SYNDIG1: variants seen among roughly 807,000 people sequenced by gnomAD.
SYNDIG1 encodes the protein synapse differentiation-inducing gene protein 1.
A neutral mutation model predicts 19.4 loss-of-function variants in SYNDIG1; 9 were observed. That is an observed-to-expected ratio of 0.46 (90% CI 0.28 to 0.81). SYNDIG1 has a LOEUF of 0.81. SYNDIG1 is among the 30% of genes least tolerant of loss of function. The pLI, the probability that SYNDIG1 is intolerant of heterozygous loss-of-function variation, is 0.12. For synonymous variants in SYNDIG1, 141 were observed against 145.9 expected (o/e 0.97, Z 0.24); for missense variants, 311 against 343.3 (o/e 0.91, Z 0.74).
chr20:24,529,721 A>G (rs776272319), intron 1 of SYNDIG1, among the ~76,000 whole-genome samples: 6 of 150,194 alleles, frequency 4.0e-5, no homozygotes, highest in Non-Finnish European at 7.4e-5. Context: ...TCCTGGCAGT[A>G]GTGTCAGCAG....
chr20:24,508,936 G>A (rs191409575), intron 1 of SYNDIG1, among the ~76,000 whole-genome samples: 1 of 152,316 alleles, frequency 6.6e-6, no homozygotes, highest in East Asian at 1.9e-4. Flanking sequence ...TTGCCCAGAT[G>A]CCAGGTCCCA....
At chr20:24,515,348 G>T (rs1568601733) in intron 1 of SYNDIG1, among the ~76,000 whole-genome samples, 1 of 152,104 alleles carries the variant, frequency 6.6e-6, no homozygotes, top group Non-Finnish European at 1.5e-5. Context: ...CTGGTTTTTT[G>T]AAAAGATCAA....
At chr20:24,615,558 G>T (rs1375136106) in intron 3 of SYNDIG1, among the ~76,000 whole-genome samples, 1 of 152,184 alleles carries the variant, frequency 6.6e-6, no homozygotes, top group Non-Finnish European at 1.5e-5. Context: ...TCCTCCCCAT[G>T]GACCCGGGGC....
At chr20:24,559,789 C>T (rs1451210841) in intron 2 of SYNDIG1, among the ~76,000 whole-genome samples, 1 of 152,130 alleles carries the variant, frequency 6.6e-6, no homozygotes, top group Non-Finnish European at 1.5e-5. Context: ...TAACATGTCA[C>T]TCTGTTGCCT....
intron 1 of SYNDIG1, among the ~76,000 whole-genome samples, chr20:24,538,049 G>A (rs983832931): frequency 6.6e-6 from 1 of 152,140 alleles, no homozygotes; most frequent in African/African-American, 2.4e-5. Flanking sequence ...TCTCCACATA[G>A]ATAGCTCTTC....
chr20:24,506,974 G>T (rs1007913579), intron 1 of SYNDIG1, among the ~76,000 whole-genome samples: 2 of 152,236 alleles, frequency 1.3e-5, no homozygotes, highest in African/African-American at 4.8e-5. Flanking sequence ...AGGTATCTTA[G>T]ATGGGCTCCC....
At chr20:24,653,395 C>G (rs951272205) in intron 3 of SYNDIG1, among the ~76,000 whole-genome samples, 1 of 152,136 alleles carries the variant, frequency 6.6e-6, no homozygotes, top group African/African-American at 2.4e-5. Context: ...GAAAGCAGTG[C>G]ATTTCTAAGT....
At chr20:24,653,644 G>A (rs1195229861) in intron 3 of SYNDIG1, among the ~76,000 whole-genome samples, 1 of 152,200 alleles carries the variant, frequency 6.6e-6, no homozygotes, top group Admixed American at 6.5e-5. Flanking sequence ...GAAGTTAGGG[G>A]ATTTATCCCT....
At chr20:24,487,508 T>A (rs1013709047) in intron 1 of SYNDIG1, among the ~76,000 whole-genome samples, 1 of 152,108 alleles carries the variant, frequency 6.6e-6, no homozygotes, top group Non-Finnish European at 1.5e-5. Flanking sequence ...ATGAGTGCTG[T>A]TATCTCAGGA....
intron 2 of SYNDIG1, among the ~76,000 whole-genome samples, chr20:24,556,816 G>C (rs1170033272): frequency 6.6e-6 from 1 of 152,112 alleles, no homozygotes; most frequent in Non-Finnish European, 1.5e-5. Flanking sequence ...GTATCTTCAT[G>C]GCATTCTCTG....
intron 1 of SYNDIG1, among the ~76,000 whole-genome samples, chr20:24,526,447 G>T (rs780244308): frequency 8.6e-5 from 13 of 152,044 alleles, no homozygotes; most frequent in Non-Finnish European, 1.5e-4. Flanking sequence ...GTATAAAGCT[G>T]AACATGTTCA....
chr20:24,591,232 T>TA lies in SYNDIG1; in HGVS notation c.618+6239_618+6240insA, dbSNP rs1568667772. Among the ~76,000 whole-genome samples, 354 of 150,482 alleles carry TA rather than the reference T, an allele frequency of 2.4e-3. 2 individuals are homozygous for TA. The highest frequency in any genetic ancestry group is 0.015 in the South Asian group (72 of 4,760). On this transcript the variant is annotated intron_variant, in intron 3 of 3. Coordinates refer to ENST00000376862, the MANE Select transcript of SYNDIG1 (RefSeq NM_024893.3). ...AACAGACCCCATGTATACAAAAATT[T>TA]TAAAAAAAAAAATTAGCTGAGCGTG... is the stretch of plus-strand genomic sequence containing the variant.
At chr20:24,640,747 A>C (rs2059368405) in intron 3 of SYNDIG1, among the ~76,000 whole-genome samples, 1 of 152,192 alleles carries the variant, frequency 6.6e-6, no homozygotes, top group East Asian at 1.9e-4. Flanking sequence ...AAAACACAGG[A>C]GTCCTAGGGG....
intron 3 of SYNDIG1, among the ~76,000 whole-genome samples, chr20:24,626,982 A>G (rs1343784225): frequency 1.3e-5 from 2 of 152,180 alleles, no homozygotes; most frequent in African/African-American, 4.8e-5. Flanking sequence ...AGGCTGAGGC[A>G]GGAGAATCAG....
chr20:24,633,713 G>C (rs914104550), intron 3 of SYNDIG1, among the ~76,000 whole-genome samples: 1 of 152,192 alleles, frequency 6.6e-6, no homozygotes, highest in Non-Finnish European at 1.5e-5. Flanking sequence ...AAGCTCTGGG[G>C]ACGGGGCTGG....
At chr20:24,597,122 C>A in intron 3 of SYNDIG1, 1 of 152,736 alleles carries the variant, frequency 6.5e-6, no homozygotes. Flanking sequence ...CCTTCCTTCC[C>A]CTCGTGTCCT....
At chr20:24,489,922 G>C (rs2056098633) in intron 1 of SYNDIG1, among the ~76,000 whole-genome samples, 2 of 152,254 alleles carry the variant, frequency 1.3e-5, no homozygotes, top group Non-Finnish European at 2.9e-5. Flanking sequence ...CTGGCCGCTG[G>C]TGCTGCAGTG....
At chr20:24,528,314 CTG>C (rs905923540) in intron 1 of SYNDIG1, among the ~76,000 whole-genome samples, 1 of 151,786 alleles carries the variant, frequency 6.6e-6, no homozygotes, top group African/African-American at 2.4e-5. Context: ...CCTACATTCA[CTG>C]TGGGCCAGAT....
chr20:24,471,480 T>C (rs1405366459), intron 1 of SYNDIG1, among the ~76,000 whole-genome samples: 1 of 151,136 alleles, frequency 6.6e-6, no homozygotes, highest in Non-Finnish European at 1.5e-5. Flanking sequence ...CTCCCTCCCC[T>C]CTCTCTCCAC....
Sources: allele counts gnomAD v4.1 joint callset (sites outside exome capture counted in the v4.1 genomes callset), GRCh38; gene constraint gnomAD v4.1.1; transcripts MANE v1.5; gene names NCBI Gene and HGNC (gene_info 2026-07-23, HGNC 2026-07-21).